Variants in NLRP3 observed in about 807,000 individuals in gnomAD.
The protein encoded by NLRP3 is NACHT, LRR and PYD domains-containing protein 3.
Under a neutral mutation model 91.3 loss-of-function variants are expected in NLRP3, and 48 were observed. That is an observed-to-expected ratio of 0.53 (90% CI 0.42 to 0.67). The LOEUF is 0.67. Among genes scored for constraint, NLRP3 ranks in the 30% least tolerant of loss-of-function variants. The probability of loss-of-function intolerance (pLI) is 0.00; values close to 1 mark genes in which losing one functional copy is unlikely to be tolerated. For missense variants in NLRP3, 982 were observed against 1,276.9 expected (o/e 0.77, Z 3.52); for synonymous variants, 561 against 507.9 (o/e 1.10, Z -1.41).
chr1:247,439,937 C>T (rs1664085861), intron 7 of NLRP3, among the ~76,000 whole-genome samples: 1 of 152,188 alleles, frequency 6.6e-6, no homozygotes, highest in Non-Finnish European at 1.5e-5. Flanking sequence ...TGTGTATTTG[C>T]TTTGAGATAG....
chr1:247,443,416 G>A (rs943950914), intron 7 of NLRP3, among the ~76,000 whole-genome samples: 1 of 152,120 alleles, frequency 6.6e-6, no homozygotes, highest in Non-Finnish European at 1.5e-5. Context: ...AAGGCGGGAG[G>A]TGGCAATTGC....
At position 247,443,893 on chromosome 1, in the gene NLRP3, C is replaced by T. The variant is rs112535378; in HGVS notation, c.2664-79C>T. 4,066 of 1,397,090 alleles carry T rather than the reference C, an allele frequency of 2.9e-3. 65 individuals carry two copies. The African/African-American group carries it at 0.05, about 17-fold the overall frequency. The allele number at this position is 1,397,090 out of a possible 1,614,324, so 86.5% of individuals were successfully genotyped here. A position where few individuals can be genotyped will look rare whatever the true frequency, so the allele number is the denominator to read the frequency against. ...GAAGGCTGCAGCTGCTGAGAGAGGA[C>T]GAGGCACTGAGTCAAAGCAGCTGCA... On this transcript the variant is annotated intron_variant, in intron 7 of 9. Coordinates refer to ENST00000336119, the MANE Select transcript of NLRP3 (RefSeq NM_001243133.2).
At chr1:247,435,936 A>G in intron 6 of NLRP3, 34 bp from the exon 7 acceptor site, 1 of 1,609,914 alleles carries the variant, frequency 6.2e-7, no homozygotes, top group Non-Finnish European at 8.5e-7. Flanking sequence ...CGTGGGTGAG[A>G]GACATGACTG....
chr1:247,429,995 C>A (rs1663190536), intron 5 of NLRP3, among the ~76,000 whole-genome samples: 1 of 152,142 alleles, frequency 6.6e-6, no homozygotes, highest in Admixed American at 6.5e-5. Flanking sequence ...CTGCCTCAGC[C>A]TCCTGAGTAG....
chr1:247,444,862 G>A (rs750149416), intron 9 of NLRP3, 41 bp downstream of exon 9: 142 of 1,605,130 alleles, frequency 8.8e-5, no homozygotes, highest in Non-Finnish European at 1.1e-4. Context: ...GGGACTCTGA[G>A]TTCTCAGGAA....
At position 247,430,662 on chromosome 1, in the gene NLRP3, C is replaced by A. The variant is rs189211799; in HGVS notation, c.2321+907C>A. On this transcript the variant is annotated intron_variant, in intron 5 of 9. Transcript: ENST00000336119. ...CTAAAAAAAAAGTCATTTCTTGAAACAACCATGATGCTCGATATATTCCAT... is the reference window on the plus strand; with the variant it reads ...CTAAAAAAAAAGTCATTTCTTGAAAAAACCATGATGCTCGATATATTCCAT... Among the ~76,000 whole-genome samples the A allele has an allele frequency of 6.4e-3, 981 of 152,222 alleles. 6 individuals carry two copies. The highest frequency in any genetic ancestry group is 0.023 in the African/African-American group (947 of 41,538).
At chr1:247,434,861 C>T (rs1372943098) in intron 6 of NLRP3, among the ~76,000 whole-genome samples, 1 of 152,124 alleles carries the variant, frequency 6.6e-6, no homozygotes, top group Non-Finnish European at 1.5e-5. Flanking sequence ...ATGATGCAGC[C>T]ACTATGGAAA....
chr1:247,448,268 C>CTTTTTTT (rs58966539), intron 9 of NLRP3, 137 bp from the exon 10 acceptor site: 47 of 358,614 alleles, frequency 1.3e-4, no homozygotes, highest in African/African-American at 6.6e-4. Flanking sequence ...TGTGGTCCCT[C>CTTTTTTT]TTTTTTTTTT....
In NLRP3 at chr1:247,448,512, A is replaced by T; in HGVS notation, c.*8A>T. 1 of 1,574,632 alleles carries T rather than the reference A, an allele frequency of 6.4e-7. No homozygotes were observed. The highest frequency in any genetic ancestry group is 8.7e-7 in the Non-Finnish European group (1 of 1,143,998). ...TTTGAGCCTTCTTGGTAGGAGTGGA[A>T]ACGGGGCTGCCAGACGCCAGTGTTC... On this transcript the variant is annotated 3_prime_UTR_variant, in exon 10 of 10. Coordinates refer to ENST00000336119, the MANE Select transcript of NLRP3 (RefSeq NM_001243133.2).
At chr1:247,438,382 T>TG (rs1663948426) in intron 7 of NLRP3, among the ~76,000 whole-genome samples, 3 of 125,428 alleles carry the variant, frequency 2.4e-5, no homozygotes, top group African/African-American at 3.5e-5. Context: ...AGTTGTGTTT[T>TG]TTTTTTTTTT....
At chr1:247,423,182 C>A in intron 2 of NLRP3, 48 bp from the exon 3 acceptor site, 1 of 1,612,768 alleles carries the variant, frequency 6.2e-7, no homozygotes, top group Non-Finnish European at 8.5e-7. Context: ...CAATTGCATC[C>A]TCTGTGATAA....
rs191754224 is a variant in NLRP3 at position 247,424,820 on chromosome 1, G to T, written c.1371G>T (p.Glu457Asp). 1.9e-5 allele frequency: 30 copies of T among 1,608,296 alleles called. No individual in the cohort carries two copies. The East Asian group carries it at 6.2e-4, about 33-fold the overall frequency. The part of the protein sequence containing the change: ...SLLQPRGGSQ[E>D]HGLCAHLWGL... Reference sequence around the variant, plus strand: ...TGCAGCCCCGGGGAGGGAGCCAGGAGCACGGCCTCTGCGCCCACCTCTGGG... The same window carrying T: ...TGCAGCCCCGGGGAGGGAGCCAGGATCACGGCCTCTGCGCCCACCTCTGGG... Residue 457 changes from glutamate to aspartate, a missense_variant, in exon 4 of 10, where the codon GAG (glutamate) becomes GAT (aspartate). Coordinates refer to ENST00000336119, the MANE Select transcript of NLRP3 (RefSeq NM_001243133.2). This position sits in a 1 kb window ranked among gnomAD's most constrained non-coding sequence, Gnocchi z 8.1.
chr1:247,417,210 C>T, intron 1 of NLRP3, among the ~76,000 whole-genome samples: 1 of 152,166 alleles, frequency 6.6e-6, no homozygotes, highest in South Asian at 2.1e-4. Flanking sequence ...AAGACATGGT[C>T]TCATATCTCT....
At chr1:247,439,792 C>T (rs190248477) in intron 7 of NLRP3, among the ~76,000 whole-genome samples, 19 of 122,224 alleles carry the variant, frequency 1.6e-4, no homozygotes, top group South Asian at 1.3e-3. Context: ...GTAGATCTAT[C>T]GATTGGGGCA....
At chr1:247,445,889 T>C (rs540055862) in intron 9 of NLRP3, among the ~76,000 whole-genome samples, 1 of 152,348 alleles carries the variant, frequency 6.6e-6, no homozygotes, top group South Asian at 2.1e-4. Context: ...TTATCTGGTC[T>C]TCTGGCTTCA....
At chr1:247,444,169 T>C (rs574701363) in intron 8 of NLRP3, 27 bp downstream of exon 8, 2 of 1,613,190 alleles carry the variant, frequency 1.2e-6, no homozygotes, top group Non-Finnish European at 1.7e-6. Flanking sequence ...ATTACAGCAA[T>C]GAGAACACAT....
chr1:247,441,201 CCCTTT>C (rs1558207406), intron 7 of NLRP3, among the ~76,000 whole-genome samples: 3 of 128,456 alleles, frequency 2.3e-5, no homozygotes, highest in Non-Finnish European at 4.8e-5. Flanking sequence ...CCTCCCCCCC[CCCTTT>C]CCCTTTCCCC....
At chr1:247,426,550 G>A (rs1383171044) in intron 4 of NLRP3, among the ~76,000 whole-genome samples, 9 of 152,178 alleles carry the variant, frequency 5.9e-5, no homozygotes, top group Non-Finnish European at 1.3e-4. Context: ...AGGCAACAAT[G>A]AGTTTCAGCT....
chr1:247,442,440 A>G (rs1664298267), intron 7 of NLRP3, among the ~76,000 whole-genome samples: 1 of 152,192 alleles, frequency 6.6e-6, no homozygotes, highest in Non-Finnish European at 1.5e-5. Context: ...TAGAGCTCTT[A>G]TGCTCTTCCT....
Sources: allele counts gnomAD v4.1 joint callset (sites outside exome capture counted in the v4.1 genomes callset), GRCh38; gene constraint gnomAD v4.1.1; non-coding constraint Gnocchi (gnomAD v3.1); transcripts MANE v1.5; gene names NCBI Gene and HGNC (gene_info 2026-07-23, HGNC 2026-07-21).